Variants in EDC3 observed in about 807,000 individuals in gnomAD.
EDC3 encodes enhancer of mRNA decapping 3, also known as enhancer of mRNA-decapping protein 3.
In EDC3, 20 loss-of-function variants were observed where a neutral mutation model predicts 41.8. The ratio of observed to expected loss-of-function variants is 0.48; its 90% CI spans 0.34 to 0.70. The LOEUF is 0.70. Ranked by LOEUF, EDC3 falls within the 30% of genes least tolerant of loss-of-function variation. EDC3 has a pLI of 0.01. For synonymous variants in EDC3, 206 were observed against 243.2 expected (o/e 0.85, Z 1.42); for missense variants, 444 against 636.8 (o/e 0.70, Z 3.26).
At chr15:74,640,192 G>C (rs2062331785) in intron 5 of EDC3, 2 of 382,250 alleles carry the variant, frequency 5.2e-6, no homozygotes, top group East Asian at 1.1e-4. Flanking sequence ...GAAGGCTTCT[G>C]ATAGTTAGCA....
At chr15:74,673,109 G>A (rs1188975466) in intron 2 of EDC3, among the ~76,000 whole-genome samples, 1 of 152,122 alleles carries the variant, frequency 6.6e-6, no homozygotes, top group Non-Finnish European at 1.5e-5. Flanking sequence ...CCATCAGGAA[G>A]TAAGGTTGCA....
At chr15:74,690,040 C>T (rs1377321675) in intron 1 of EDC3, among the ~76,000 whole-genome samples, 1 of 152,046 alleles carries the variant, frequency 6.6e-6, no homozygotes, top group African/African-American at 2.4e-5. Context: ...ACAATAAATC[C>T]TTCAAACAAT....
chr15:74,669,708 G>T, intron 3 of EDC3, among the ~76,000 whole-genome samples: 1 of 151,956 alleles, frequency 6.6e-6, no homozygotes, highest in South Asian at 2.1e-4. Context: ...GAAGTATCCG[G>T]AATTTTATGT....
chr15:74,636,378 T>G (rs80036751), intron 5 of EDC3: 5,218 of 152,366 alleles, frequency 0.034, 127 homozygotes, highest in Middle Eastern at 0.12. Context: ...GTGCTGACCA[T>G]GGCGGAGGCA....
intron 4 of EDC3, among the ~76,000 whole-genome samples, chr15:74,651,385 G>C (rs2062478833): frequency 6.6e-6 from 1 of 152,188 alleles, no homozygotes; most frequent in Admixed American, 6.5e-5. Flanking sequence ...TAAACAAAGA[G>C]CTAAATTTAG....
At chr15:74,652,258 C>T (rs1227168852) in intron 4 of EDC3, among the ~76,000 whole-genome samples, 1 of 149,846 alleles carries the variant, frequency 6.7e-6, no homozygotes, top group Non-Finnish European at 1.5e-5. Flanking sequence ...GACAGAGTCT[C>T]GCTCTGTCAC....
At position 74,667,903 on chromosome 15, in the gene EDC3, A is replaced by G. The variant is rs572110373; in HGVS notation, c.484+3552T>C. On this transcript the variant is annotated intron_variant, in intron 3 of 6. Transcript: ENST00000315127. ...GGGCTGCACATAGTGATTTCCTTCC[A>G]AAGAGTACATATGTAAAGGGGAAGA... Among the ~76,000 whole-genome samples, 12 of 152,314 alleles carry G rather than the reference A, an allele frequency of 7.9e-5. No homozygotes were observed. In the East Asian group the frequency reaches 2.3e-3, roughly 29 times the overall value.
In EDC3 at chr15:74,671,512, C is replaced by T. The variant is rs755158567; in HGVS notation, c.427G>A (p.Asp143Asn). ...QQQQCSKSYV[D>N]RHMESLSQSK... ...TGACTCAAGGATTCCATGTGCCTGT[C>T]GACATAGCTCTTTGAGCACTGTTGC... Residue 143 changes from aspartate to asparagine, a missense_variant, in exon 3 of 7, where the codon GAC becomes AAC. Coordinates refer to ENST00000315127, the MANE Select transcript of EDC3 (RefSeq NM_025083.5). The surrounding 1 kb of genome is among the most constrained non-coding windows in gnomAD (Gnocchi z 4.6). The T allele has an allele frequency of 3.1e-6, 5 of 1,614,106 alleles. No homozygotes were observed. Among genetic ancestry groups the T allele is most frequent in the East Asian group, 2.2e-5 (1 of 44,880 alleles).
intron 5 of EDC3, chr15:74,639,731 A>C (rs2062324416): frequency 6.6e-6 from 1 of 151,234 alleles, no homozygotes; most frequent in African/African-American, 2.4e-5. Flanking sequence ...AAAAAAAAAA[A>C]GAATGCCTTC....
At position 74,632,322 on chromosome 15, in the gene EDC3, G is replaced by A; in HGVS notation, c.*290C>T. On this transcript the variant is annotated 3_prime_UTR_variant, in exon 7 of 7. Coordinates refer to ENST00000315127, the MANE Select transcript of EDC3 (RefSeq NM_025083.5). This position sits in a 1 kb window ranked among gnomAD's most constrained non-coding sequence, Gnocchi z 4.0. ...GTAAACCTGAAACACAGTCTTGAGA[G>A]CTGCCTACGGCTGTAAACAAAGGCC... 1 of 446,336 alleles carries A rather than the reference G, an allele frequency of 2.2e-6. No individual in the cohort carries two copies. Among genetic ancestry groups the A allele is most frequent in the Non-Finnish European group, 4.1e-6 (1 of 244,384 alleles). The allele number at this position is 446,336 out of a possible 1,614,324, so 27.6% of individuals were successfully genotyped here.
chr15:74,666,455 A>G (rs558675638), intron 3 of EDC3, among the ~76,000 whole-genome samples: 2 of 152,254 alleles, frequency 1.3e-5, no homozygotes, highest in Non-Finnish European at 2.9e-5. Flanking sequence ...ATGTCCTGCA[A>G]TAGGTGAATG....
At chr15:74,660,451 G>A (rs866110551) in intron 3 of EDC3, among the ~76,000 whole-genome samples, 8 of 150,424 alleles carry the variant, frequency 5.3e-5, no homozygotes, top group East Asian at 1.9e-4. Context: ...GTGTGTGTGT[G>A]TATATGAAAA....
chr15:74,664,871 C>T (rs2062659649), intron 3 of EDC3, among the ~76,000 whole-genome samples: 2 of 152,182 alleles, frequency 1.3e-5, no homozygotes, highest in African/African-American at 2.4e-5. Flanking sequence ...AAGATAATAT[C>T]GACCATCTTT....
At chr15:74,666,494 G>C (rs2062678177) in intron 3 of EDC3, among the ~76,000 whole-genome samples, 1 of 152,028 alleles carries the variant, frequency 6.6e-6, no homozygotes, top group African/African-American at 2.4e-5. Context: ...TCCACACAAT[G>C]GAACATTATC....
At chr15:74,691,974 G>A (rs548596720) in intron 1 of EDC3, among the ~76,000 whole-genome samples, 7 of 152,050 alleles carry the variant, frequency 4.6e-5, no homozygotes, top group Middle Eastern at 3.4e-3. Context: ...CCACCAACAC[G>A]CCCGGCTAAT....
chr15:74,638,556 C>A (rs79874445), intron 5 of EDC3: 39,093 of 151,662 alleles, frequency 0.26, 6,841 homozygotes, highest in East Asian at 0.54. Flanking sequence ...CTGGTTTTGA[C>A]CTCCTGACCT....
At chr15:74,662,376 G>A (rs777263479) in intron 3 of EDC3, among the ~76,000 whole-genome samples, 1 of 151,372 alleles carries the variant, frequency 6.6e-6, no homozygotes, top group Admixed American at 6.6e-5. Flanking sequence ...CCAGTTCAGC[G>A]TAAGTACACA....
Position 74,635,436 on chromosome 15 carries a change from G to A in EDC3, c.1165C>T (p.Gln389Ter). ...TTGAGGCTAGACACTTGTTGGCCTT[G>A]GGTCTTGCTGAAGAGCGACAGCTCA... ...TNELSLFSKT[Q>*]GQQVSSLKDL... Residue 389 changes from glutamine (Q) to a stop codon, truncating the protein, a stop_gained, in exon 6 of 7, where the codon CAA becomes TAA. Coordinates refer to ENST00000315127, the MANE Select transcript of EDC3 (RefSeq NM_025083.5). LOFTEE classifies it high-confidence loss of function. The A allele has an allele frequency of 6.2e-7, 1 of 1,614,234 alleles. No individual in the cohort carries two copies. The highest frequency in any genetic ancestry group is 8.5e-7 in the Non-Finnish European group (1 of 1,180,038).
intron 1 of EDC3, among the ~76,000 whole-genome samples, chr15:74,683,308 G>T (rs2062895838): frequency 6.6e-6 from 1 of 152,234 alleles, no homozygotes. Context: ...GCTGAGGAGG[G>T]TGGATCACCT....
Sources: gnomAD v4.1 joint callset for allele counts (sites outside exome capture counted in the v4.1 genomes callset) on GRCh38, gnomAD v4.1.1 for gene constraint, Gnocchi (gnomAD v3.1) non-coding constraint, MANE v1.5 for transcripts, NCBI Gene and HGNC (gene_info 2026-07-23, HGNC 2026-07-21) for gene names.